LRRC4C: variants seen among roughly 807,000 people sequenced by gnomAD.
LRRC4C encodes leucine rich repeat containing 4C.
In LRRC4C, 5 loss-of-function variants were observed where a neutral mutation model predicts 33.6. The ratio of observed to expected loss-of-function variants is 0.15; its 90% CI spans 0.08 to 0.31. The LOEUF (loss-of-function observed/expected upper bound fraction) is 0.31, where lower values mean the gene tolerates loss of function less well. LRRC4C is among the 10% of genes least tolerant of loss of function. LRRC4C has a pLI of 1.00. For synonymous variants in LRRC4C, 329 were observed against 302.0 expected, an observed-to-expected ratio of 1.09 and a Z score of -0.93; for missense variants, 560 against 796.7, an observed-to-expected ratio of 0.70 and a Z score of 3.58.
intron 5 of LRRC4C, among the ~76,000 whole-genome samples, chr11:40,193,597 A>T (rs1847835325): frequency 6.6e-6 from 1 of 152,188 alleles, no homozygotes; most frequent in Non-Finnish European, 1.5e-5. Context: ...AACTGGGCGG[A>T]GAATGAGTAT....
chr11:41,101,450 C>A (rs978917631), intron 1 of LRRC4C, among the ~76,000 whole-genome samples: 1 of 152,090 alleles, frequency 6.6e-6, no homozygotes, highest in Non-Finnish European at 1.5e-5. Flanking sequence ...CAATGAGATA[C>A]CAGCTCACAC....
At chr11:41,433,458 T>C (rs1955312621) in intron 1 of LRRC4C, among the ~76,000 whole-genome samples, 3 of 152,140 alleles carry the variant, frequency 2.0e-5, no homozygotes, top group South Asian at 2.1e-4. Context: ...CATTGAAGGA[T>C]GCAAAGTATT....
intron 2 of LRRC4C, among the ~76,000 whole-genome samples, chr11:40,741,924 T>A (rs1380489975): frequency 6.6e-6 from 1 of 152,028 alleles, no homozygotes; most frequent in Non-Finnish European, 1.5e-5. Context: ...TAAAGAAAGC[T>A]CTTCTCATCT....
At chr11:41,115,678 T>C (rs369328372) in intron 1 of LRRC4C, among the ~76,000 whole-genome samples, 2 of 152,232 alleles carry the variant, frequency 1.3e-5, no homozygotes, top group African/African-American at 4.8e-5. Flanking sequence ...AATACCTCAA[T>C]GTTTTAGGCC....
intron 1 of LRRC4C, among the ~76,000 whole-genome samples, chr11:41,241,109 A>G (rs1020023964): frequency 1.3e-5 from 2 of 152,144 alleles, no homozygotes; most frequent in Non-Finnish European, 2.9e-5. Flanking sequence ...TAGTGGTGAG[A>G]CCAACTACCT....
chr11:40,192,913 T>C (rs943322261), intron 5 of LRRC4C, among the ~76,000 whole-genome samples: 8 of 152,128 alleles, frequency 5.3e-5, no homozygotes. Flanking sequence ...ATTTCTCCTC[T>C]CTGGGCAGGG....
chr11:40,147,514 T>TC lies in LRRC4C; in HGVS notation c.-95-6662dup, dbSNP rs113324200. Among the ~76,000 whole-genome samples, 556 of 152,198 alleles carry TC rather than the reference T, an allele frequency of 3.7e-3. 5 individuals carry two copies. The highest frequency in any genetic ancestry group is 0.012 in the African/African-American group (513 of 41,528). ...TGATAGCCTTTCTTCTGCATTTTTT[T>TC]CTCATTCAACATTAATTAATATCTT... On this transcript the variant is annotated intron_variant, in intron 5 of 6. Transcript: ENST00000528697.
intron 2 of LRRC4C, among the ~76,000 whole-genome samples, chr11:40,881,164 A>G (rs1386521053): frequency 6.6e-6 from 1 of 152,064 alleles, no homozygotes; most frequent in Non-Finnish European, 1.5e-5. Flanking sequence ...ATATTATGGC[A>G]TATGGTTTGG....
Position 41,238,042 on chromosome 11 carries a change from TC to T in LRRC4C, c.-496+221388del, listed in dbSNP as rs1461006830. Among the ~76,000 whole-genome samples the T allele has an allele frequency of 3.4e-5, 5 of 146,684 alleles. No individual in the cohort carries two copies. The East Asian group carries it at 9.6e-4, about 28-fold the overall frequency. On this transcript the variant is annotated intron_variant, in intron 1 of 6. Coordinates refer to ENST00000528697, the MANE Select transcript of LRRC4C (RefSeq NM_001258419.2). ...ACTCATAGCTTAGCTCAACTGTCAC[TC>T]TTTTCCTAAACAAATTCCCACTTCC...
chr11:40,369,927 GA>G (rs966164551), intron 3 of LRRC4C, among the ~76,000 whole-genome samples: 2 of 152,086 alleles, frequency 1.3e-5, no homozygotes, highest in African/African-American at 2.4e-5. Context: ...AATAGAGCAA[GA>G]AAAAAGTGGA....
At chr11:40,671,038 C>T (rs1204099433) in intron 2 of LRRC4C, among the ~76,000 whole-genome samples, 1 of 152,230 alleles carries the variant, frequency 6.6e-6, no homozygotes, top group Non-Finnish European at 1.5e-5. Context: ...GCTGGGATTA[C>T]AGGCATGAGC....
At chr11:40,955,437 A>G (rs538609611) in intron 1 of LRRC4C, among the ~76,000 whole-genome samples, 24 of 151,220 alleles carry the variant, frequency 1.6e-4, no homozygotes, top group Middle Eastern at 3.4e-3. Context: ...ACTGGGGGGG[A>G]AAAACACAAA....
chr11:40,606,605 A>G (rs913997683), intron 3 of LRRC4C, among the ~76,000 whole-genome samples: 3 of 152,162 alleles, frequency 2.0e-5, no homozygotes, highest in Non-Finnish European at 4.4e-5. Flanking sequence ...ACAATTCAAA[A>G]TAACCATCAT....
chr11:40,547,250 G>A (rs537125876), intron 3 of LRRC4C, among the ~76,000 whole-genome samples: 2 of 152,140 alleles, frequency 1.3e-5, no homozygotes, highest in South Asian at 2.1e-4. Flanking sequence ...CATTTGCTGG[G>A]GAAGAGCTGA....
intron 1 of LRRC4C, among the ~76,000 whole-genome samples, chr11:40,945,186 C>G (rs1352210540): frequency 8.2e-5 from 12 of 147,130 alleles, no homozygotes; most frequent in African/African-American, 3.0e-4. Flanking sequence ...CCCACCACCA[C>G]GCCCGGCTAA....
At chr11:40,205,111 C>A (rs191301863) in intron 5 of LRRC4C, among the ~76,000 whole-genome samples, 2 of 152,268 alleles carry the variant, frequency 1.3e-5, no homozygotes, top group Admixed American at 1.3e-4. Context: ...CTTCCCAGGG[C>A]CTTCACAGAA....
chr11:40,287,381 G>A (rs1030422657), intron 4 of LRRC4C, among the ~76,000 whole-genome samples: 5 of 151,966 alleles, frequency 3.3e-5, no homozygotes, highest in South Asian at 2.1e-4. Context: ...GCGTGCCTGC[G>A]TGTGTTTGCA....
At position 40,149,366 on chromosome 11, in the gene LRRC4C, G is replaced by C. The variant is rs59559840; in HGVS notation, c.-95-8513C>G. ...TTATGTCATCTCTGATTTCCTTGAGGAGTGTTTTGTAGTTCTCATTGTTGA... is the reference window on the plus strand; with the variant it reads ...TTATGTCATCTCTGATTTCCTTGAGCAGTGTTTTGTAGTTCTCATTGTTGA... On this transcript the variant is annotated intron_variant, in intron 5 of 6. Coordinates refer to ENST00000528697, the MANE Select transcript of LRRC4C (RefSeq NM_001258419.2). Among the ~76,000 whole-genome samples the C allele has an allele frequency of 3.5e-3, 535 of 152,182 alleles. 6 individuals are homozygous for C. The highest frequency in any genetic ancestry group is 0.012 in the African/African-American group (510 of 41,538).
chr11:40,690,637 T>G (rs1363822052), intron 2 of LRRC4C, among the ~76,000 whole-genome samples: 1 of 152,070 alleles, frequency 6.6e-6, no homozygotes, highest in Non-Finnish European at 1.5e-5. Context: ...CTTTTCAGTT[T>G]AAAAAACCTC....
Sources: allele counts gnomAD v4.1 joint callset (sites outside exome capture counted in the v4.1 genomes callset), GRCh38; gene constraint gnomAD v4.1.1; transcripts MANE v1.5; gene names NCBI Gene and HGNC (gene_info 2026-07-23, HGNC 2026-07-21).